The following SOX5 variants were observed in gnomAD, a reference collection of about 807,000 sequenced individuals.
The protein encoded by SOX5 is transcription factor SOX-5.
In SOX5, 9 loss-of-function variants were observed where a neutral mutation model predicts 92.0. The observed-to-expected ratio is 0.10, with a 90% confidence interval of 0.06 to 0.17. The LOEUF (loss-of-function observed/expected upper bound fraction) is 0.17, where lower values mean the gene tolerates loss of function less well. Among genes scored for constraint, SOX5 ranks in the 10% least tolerant of loss-of-function variants. SOX5 has a pLI of 1.00. For missense variants in SOX5, 642 were observed against 944.5 expected, an observed-to-expected ratio of 0.68 and a Z score of 4.20; for synonymous variants, 344 against 336.3, an observed-to-expected ratio of 1.02 and a Z score of -0.25.
intron 5 of SOX5, among the ~76,000 whole-genome samples, chr12:23,740,536 A>G (rs2093757253): frequency 6.6e-6 from 1 of 152,170 alleles, no homozygotes; most frequent in Non-Finnish European, 1.5e-5. Flanking sequence ...TCAGCTCTCT[A>G]ATGAATTCTT....
intron 5 of SOX5, among the ~76,000 whole-genome samples, chr12:23,735,289 T>A (rs17395631): frequency 5.9e-5 from 9 of 152,096 alleles, no homozygotes; most frequent in African/African-American, 2.2e-4. Context: ...TGTTTCCATT[T>A]TTTTTTACCA....
chr12:24,277,619 T>C (rs923436825), intron 2 of SOX5, among the ~76,000 whole-genome samples: 1 of 135,780 alleles, frequency 7.4e-6, no homozygotes, highest in African/African-American at 2.6e-5. Flanking sequence ...TGTAATAAAA[T>C]TATGGTTTGT....
chr12:23,732,150 T>C (rs1310820584), intron 6 of SOX5, among the ~76,000 whole-genome samples: 1 of 152,154 alleles, frequency 6.6e-6, no homozygotes, highest in Admixed American at 6.5e-5. Flanking sequence ...TATTTACTAG[T>C]CTTCATCCTT....
At chr12:23,785,108 T>A (rs751684674) in intron 3 of SOX5, among the ~76,000 whole-genome samples, 9 of 152,130 alleles carry the variant, frequency 5.9e-5, no homozygotes, top group Non-Finnish European at 1.3e-4. Context: ...AATCATCTAT[T>A]TAATCAACAC....
At chr12:24,295,507 T>G (rs1395534715) in intron 2 of SOX5, among the ~76,000 whole-genome samples, 1 of 152,226 alleles carries the variant, frequency 6.6e-6, no homozygotes, top group Non-Finnish European at 1.5e-5. Context: ...GAATTATTTG[T>G]GCTCACTAAA....
chr12:24,055,389 T>C (rs945894560), intron 4 of SOX5, among the ~76,000 whole-genome samples: 1 of 152,334 alleles, frequency 6.6e-6, no homozygotes, highest in Non-Finnish European at 1.5e-5. Context: ...CAACAGTCTA[T>C]AGGACATGGC....
intron 4 of SOX5, among the ~76,000 whole-genome samples, chr12:24,040,730 G>A (rs868415668): frequency 1.3e-5 from 2 of 152,080 alleles, no homozygotes; most frequent in African/African-American, 2.4e-5. Flanking sequence ...AAAGTTAGCC[G>A]GGCGTGGTGG....
chr12:24,205,420 T>C (rs561597537), intron 4 of SOX5, among the ~76,000 whole-genome samples: 3 of 152,240 alleles, frequency 2.0e-5, no homozygotes, highest in Non-Finnish European at 2.9e-5. Flanking sequence ...AAAACAATCA[T>C]ACAAGGCTCG....
At chr12:24,560,215 C>G (rs2139073715) in intron 1 of SOX5, among the ~76,000 whole-genome samples, 1 of 152,268 alleles carries the variant, frequency 6.6e-6, no homozygotes, top group East Asian at 1.9e-4. Flanking sequence ...AAGTATGCTA[C>G]TATGTAATTA....
intron 3 of SOX5, among the ~76,000 whole-genome samples, chr12:24,235,272 T>C (rs1464797011): frequency 6.6e-6 from 1 of 152,176 alleles, no homozygotes; most frequent in Non-Finnish European, 1.5e-5. Context: ...AGGCATAGAG[T>C]AATAAAATAA....
chr12:24,211,442 T>G (rs1253708100), intron 4 of SOX5, among the ~76,000 whole-genome samples: 1 of 152,232 alleles, frequency 6.6e-6, no homozygotes. Flanking sequence ...ATCTTTTTAT[T>G]TCATCTAGCT....
intron 4 of SOX5, among the ~76,000 whole-genome samples, chr12:23,965,482 C>T (rs1311900035): frequency 6.6e-6 from 1 of 152,182 alleles, no homozygotes; most frequent in Non-Finnish European, 1.5e-5. Context: ...TGGACAACTT[C>T]CTGCACAAAT....
intron 4 of SOX5, among the ~76,000 whole-genome samples, chr12:24,076,148 C>T (rs911069820): frequency 6.6e-6 from 1 of 152,110 alleles, no homozygotes; most frequent in South Asian, 2.1e-4. Flanking sequence ...TGGCATCTAG[C>T]ATCTGGGTTT....
chr12:24,233,246 C>T (rs1446783838), intron 3 of SOX5, among the ~76,000 whole-genome samples: 1 of 151,924 alleles, frequency 6.6e-6, no homozygotes, highest in East Asian at 1.9e-4. Context: ...GGGTTAAAAA[C>T]TTTAGAGAAC....
chr12:23,650,788 C>G (rs925789228), intron 7 of SOX5, among the ~76,000 whole-genome samples: 5 of 152,064 alleles, frequency 3.3e-5, no homozygotes, highest in Non-Finnish European at 5.9e-5. Flanking sequence ...CTTATGTTTT[C>G]CTTTGAAGAC....
chr12:24,166,309 G>A (rs1156832663), intron 4 of SOX5, among the ~76,000 whole-genome samples: 1 of 152,124 alleles, frequency 6.6e-6, no homozygotes, highest in Non-Finnish European at 1.5e-5. Flanking sequence ...AGTTGTCTGC[G>A]AGATATCCAA....
chr12:23,986,811 T>C (rs1950104153), intron 4 of SOX5, among the ~76,000 whole-genome samples: 1 of 152,086 alleles, frequency 6.6e-6, no homozygotes, highest in African/African-American at 2.4e-5. Flanking sequence ...TTTATGATCC[T>C]TTAGAGGTTT....
intron 4 of SOX5, among the ~76,000 whole-genome samples, chr12:24,155,037 C>T (rs976798022): frequency 4.6e-5 from 7 of 152,076 alleles, no homozygotes; most frequent in African/African-American, 1.7e-4. Context: ...TGGCTGAGTA[C>T]TTGAAATTGA....
At chr12:24,027,613 A>C (rs1955021457) in intron 4 of SOX5, among the ~76,000 whole-genome samples, 1 of 151,892 alleles carries the variant, frequency 6.6e-6, no homozygotes, top group Non-Finnish European at 1.5e-5. Flanking sequence ...TTGCTGCCCC[A>C]AAGCTGTGTT....
Sources: gnomAD v4.1 joint callset for allele counts (sites outside exome capture counted in the v4.1 genomes callset) on GRCh38, gnomAD v4.1.1 for gene constraint, MANE v1.5 for transcripts, NCBI Gene and HGNC (gene_info 2026-07-23, HGNC 2026-07-21) for gene names.